The following HMGA2 variants were observed in gnomAD, a reference collection of about 807,000 sequenced individuals.
The protein encoded by HMGA2 is high mobility group AT-hook 2.
In HMGA2, 8 loss-of-function variants were observed where a neutral mutation model predicts 19.1. That is an observed-to-expected ratio of 0.42 (90% CI 0.25 to 0.76). The LOEUF is 0.76. Among genes scored for constraint, HMGA2 ranks in the 30% least tolerant of loss-of-function variants. HMGA2 has a pLI of 0.28. For missense variants in HMGA2, 109 were observed against 136.3 expected (o/e 0.80, Z 1.00); for synonymous variants, 60 against 48.8 (o/e 1.23, Z -0.96).
intron 3 of HMGA2, among the ~76,000 whole-genome samples, chr12:65,918,544 C>T (rs1309063280): frequency 6.6e-6 from 1 of 152,156 alleles, no homozygotes; most frequent in East Asian, 1.9e-4. Flanking sequence ...GCAGTGATGA[C>T]ATAAATAAGA....
At chr12:65,907,871 T>C (rs1051121294) in intron 3 of HMGA2, among the ~76,000 whole-genome samples, 1 of 152,196 alleles carries the variant, frequency 6.6e-6, no homozygotes, top group Non-Finnish European at 1.5e-5. Context: ...CTACTGCTTC[T>C]GGGTGGTTTC....
At chr12:65,876,380 A>G (rs939686925) in intron 3 of HMGA2, among the ~76,000 whole-genome samples, 3 of 152,236 alleles carry the variant, frequency 2.0e-5, no homozygotes, top group Non-Finnish European at 4.4e-5. Flanking sequence ...CATAAAAAGT[A>G]TAATTAGTCA....
chr12:65,947,875 C>T (rs1876321282), intron 3 of HMGA2, among the ~76,000 whole-genome samples: 1 of 152,224 alleles, frequency 6.6e-6, no homozygotes, highest in Non-Finnish European at 1.5e-5. Context: ...ATTCACTTTT[C>T]ATCAGCAACC....
At chr12:65,841,662 C>A (rs1298283530) in intron 3 of HMGA2, among the ~76,000 whole-genome samples, 2 of 152,190 alleles carry the variant, frequency 1.3e-5, no homozygotes, top group Non-Finnish European at 2.9e-5. Context: ...TATTTTTGAA[C>A]CGACTGGATT....
intron 3 of HMGA2, among the ~76,000 whole-genome samples, chr12:65,870,693 C>T (rs1302784224): frequency 1.3e-5 from 2 of 152,214 alleles, no homozygotes; most frequent in African/African-American, 2.4e-5. Context: ...CGTGCCACTG[C>T]ACTCTAGCCT....
chr12:65,938,640 G>GT (rs748462995), intron 3 of HMGA2, among the ~76,000 whole-genome samples: 66 of 151,118 alleles, frequency 4.4e-4, no homozygotes, highest in African/African-American at 1.3e-3. Context: ...CCATGACAAC[G>GT]TTTTTTTTTA....
chr12:65,959,673 G>A (rs371634108), intron 4 of HMGA2, among the ~76,000 whole-genome samples: 7 of 152,302 alleles, frequency 4.6e-5, no homozygotes, highest in African/African-American at 1.4e-4. Context: ...TGACCAAAGA[G>A]TGGCTGTTTA....
chr12:65,915,254 A>G, intron 3 of HMGA2: 1 of 1,540,856 alleles, frequency 6.5e-7, no homozygotes, highest in African/African-American at 1.4e-5. Context: ...TGTCTTTTAG[A>G]TCATTTCAAA....
At chr12:65,862,088 A>G (rs1483337691) in intron 3 of HMGA2, among the ~76,000 whole-genome samples, 1 of 151,476 alleles carries the variant, frequency 6.6e-6, no homozygotes, top group Non-Finnish European at 1.5e-5. Context: ...CAGGTGATCC[A>G]CCCGCCTCGG....
At chr12:65,863,576 A>C (rs201973695) in intron 3 of HMGA2, among the ~76,000 whole-genome samples, 5 of 80,816 alleles carry the variant, frequency 6.2e-5, no homozygotes, top group Admixed American at 4.0e-4. Context: ...GATTTCAAAG[A>C]AAAAAAAATC....
chr12:65,931,845 C>T (rs1476697936), intron 3 of HMGA2, among the ~76,000 whole-genome samples: 1 of 151,972 alleles, frequency 6.6e-6, no homozygotes, highest in Non-Finnish European at 1.5e-5. Flanking sequence ...CCTAGGAGTT[C>T]GAGGCTACAG....
chr12:65,894,410 T>G (rs952990019), intron 3 of HMGA2, among the ~76,000 whole-genome samples: 1 of 152,202 alleles, frequency 6.6e-6, no homozygotes, highest in Non-Finnish European at 1.5e-5. Context: ...GTGGTGGAGA[T>G]GTACACTCCA....
At chr12:65,917,236 A>G (rs758397106) in intron 3 of HMGA2, among the ~76,000 whole-genome samples, 14 of 152,130 alleles carry the variant, frequency 9.2e-5, no homozygotes, top group Admixed American at 2.6e-4. Context: ...AGACAGAAAT[A>G]TCTGAGGAGT....
intron 3 of HMGA2, among the ~76,000 whole-genome samples, chr12:65,947,367 G>A (rs977141368): frequency 6.6e-6 from 1 of 152,124 alleles, no homozygotes; most frequent in African/African-American, 2.4e-5. Flanking sequence ...CTCTCAAAGT[G>A]CTGAGATTAC....
chr12:65,915,390 C>G, intron 3 of HMGA2: 1 of 1,298,616 alleles, frequency 7.7e-7, no homozygotes, highest in Admixed American at 3.2e-5. Context: ...ACATGCAGAG[C>G]CATGCCTGCG....
rs1870015145 is a variant in HMGA2 at position 65,824,615 on chromosome 12, T to A, written c.-656T>A. ...GGAGGCGCGGTGCCACCCACTACTC[T>A]GTCCTCTGCCTGTGCTCCGTGCCCG... On this transcript the variant is annotated 5_prime_UTR_variant, in exon 1 of 5. Coordinates refer to ENST00000403681, the MANE Select transcript of HMGA2 (RefSeq NM_003483.6). 1 of 233,212 alleles carries A rather than the reference T, an allele frequency of 4.3e-6. No individual in the cohort carries two copies. Among genetic ancestry groups the A allele is most frequent in the South Asian group, 1.8e-4 (1 of 5,520 alleles). 14.4% of individuals were successfully genotyped at this position (233,212 alleles called of 1,614,324 possible). A position where few individuals can be genotyped will look rare whatever the true frequency, so the allele number is the denominator to read the frequency against.
chr12:65,875,589 A>ATTTT lies in HMGA2; in HGVS notation c.249+37058_249+37061dup, dbSNP rs71096056. Reference sequence around the variant, plus strand: ...CGGGCATATGCCACCGTGCCCGGCTATTTTTTTTTTTTTTTTTTTTTTTTT... The same window carrying ATTTT: ...CGGGCATATGCCACCGTGCCCGGCTATTTTTTTTTTTTTTTTTTTTTTTTTTTTT... On this transcript the variant is annotated intron_variant, in intron 3 of 4. Transcript: ENST00000403681. Among the ~76,000 whole-genome samples the ATTTT allele has an allele frequency of 5.1e-3, 133 of 26,112 alleles. 37 individuals are homozygous for ATTTT. Among genetic ancestry groups the ATTTT allele is most frequent in the Non-Finnish European group, 5.7e-3 (67 of 11,772 alleles). 17.1% of individuals were successfully genotyped at this position (26,112 alleles called of 152,430 possible). A position where few individuals can be genotyped will look rare whatever the true frequency, so the allele number is the denominator to read the frequency against.
At chr12:65,881,005 T>C (rs1257792292) in intron 3 of HMGA2, among the ~76,000 whole-genome samples, 1 of 152,120 alleles carries the variant, frequency 6.6e-6, no homozygotes, top group Non-Finnish European at 1.5e-5. Context: ...AAATGTCCTT[T>C]CTGTCAATGC....
rs34541445 is a variant in HMGA2 at position 65,849,736 on chromosome 12, A to ATTTTTTTTTTTTTTTTTTTT, written c.249+11172_249+11191dup. ...AAACCAAGACAATGGTAGGCTCTGT[A>ATTTTTTTTTTTTTTTTTTTT]TTTTTTTTTTTTTTTTTTTTTTTTG... On this transcript the variant is annotated intron_variant, in intron 3 of 4. Coordinates refer to ENST00000403681, the MANE Select transcript of HMGA2 (RefSeq NM_003483.6). 3.6e-4 allele frequency among the ~76,000 whole-genome samples: 31 copies of ATTTTTTTTTTTTTTTTTTTT among 85,126 alleles called. 4 individuals carry two copies. The highest frequency in any genetic ancestry group is 1.4e-3 in the African/African-American group (26 of 18,530). The allele number at this position is 85,126 out of a possible 152,430, so 55.8% of individuals were successfully genotyped here. A position where few individuals can be genotyped will look rare whatever the true frequency, so the allele number is the denominator to read the frequency against.
Sources: gnomAD v4.1 joint callset for allele counts (sites outside exome capture counted in the v4.1 genomes callset) on GRCh38, gnomAD v4.1.1 for gene constraint, MANE v1.5 for transcripts, NCBI Gene and HGNC (gene_info 2026-07-23, HGNC 2026-07-21) for gene names.